Variants in FER observed in about 807,000 individuals in gnomAD.
FER encodes tyrosine-protein kinase Fer.
A neutral mutation model predicts 111.0 loss-of-function variants in FER; 63 were observed. The observed-to-expected ratio is 0.57, with a 90% CI of 0.46 to 0.70. The LOEUF is 0.70. Ranked by LOEUF, FER falls within the 30% of genes least tolerant of loss-of-function variation. The probability of loss-of-function intolerance (pLI) is 0.00; values close to 1 mark genes in which losing one functional copy is unlikely to be tolerated. For missense variants in FER, 914 were observed against 954.0 expected (o/e 0.96, Z 0.55); for synonymous variants, 327 against 313.9 (o/e 1.04, Z -0.44).
chr5:108,821,250 C>G (rs2150104254), intron 3 of FER, among the ~76,000 whole-genome samples: 1 of 152,184 alleles, frequency 6.6e-6, no homozygotes, highest in South Asian at 2.1e-4. Context: ...ATCAAGTAAC[C>G]TTAGTCCTTT....
chr5:109,120,731 G>A (rs1194173456), intron 17 of FER, among the ~76,000 whole-genome samples: 1 of 152,018 alleles, frequency 6.6e-6, no homozygotes, highest in Admixed American at 6.6e-5. Context: ...TTCAATTCAT[G>A]AACATGGAAT....
intron 13 of FER, among the ~76,000 whole-genome samples, chr5:108,968,558 C>T (rs1286028111): frequency 6.6e-6 from 1 of 151,962 alleles, no homozygotes; most frequent in Non-Finnish European, 1.5e-5. Context: ...AATTCAGAGC[C>T]TTAAGTACTT....
chr5:108,777,347 C>T (rs1753601240), intron 2 of FER, among the ~76,000 whole-genome samples: 1 of 152,144 alleles, frequency 6.6e-6, no homozygotes, highest in Non-Finnish European at 1.5e-5. Flanking sequence ...CACATACTTC[C>T]ACCCACTACA....
chr5:109,055,978 G>A (rs1773600386), intron 16 of FER, among the ~76,000 whole-genome samples: 1 of 152,222 alleles, frequency 6.6e-6, no homozygotes, highest in South Asian at 2.1e-4. Flanking sequence ...TACGATAGGT[G>A]CTCAACATTA....
At chr5:109,092,916 T>A (rs1161644081) in intron 16 of FER, among the ~76,000 whole-genome samples, 1 of 152,132 alleles carries the variant, frequency 6.6e-6, no homozygotes, top group East Asian at 1.9e-4. Flanking sequence ...AAATGGAATA[T>A]TATTCAGCCT....
chr5:109,022,716 A>G (rs1768097065), intron 13 of FER, among the ~76,000 whole-genome samples: 1 of 152,130 alleles, frequency 6.6e-6, no homozygotes, highest in Admixed American at 6.6e-5. Context: ...CTGGAACATG[A>G]ACTTGTAGAG....
intron 13 of FER, among the ~76,000 whole-genome samples, chr5:108,992,743 G>T (rs190765434): frequency 0.11 from 16,959 of 150,944 alleles, 861 homozygotes; most frequent in Middle Eastern, 0.15. Context: ...CTTCCCAGAC[G>T]GGGTGGCTGC....
intron 5 of FER, among the ~76,000 whole-genome samples, chr5:108,845,025 T>TAC (rs1761820069): frequency 3.7e-5 from 2 of 54,522 alleles, no homozygotes; most frequent in African/African-American, 6.4e-5. Flanking sequence ...TATATATATA[T>TAC]ATATATATAT....
At chr5:108,914,656 A>C (rs1581178682) in intron 10 of FER, among the ~76,000 whole-genome samples, 1 of 152,264 alleles carries the variant, frequency 6.6e-6, no homozygotes, top group Non-Finnish European at 1.5e-5. Flanking sequence ...TGAAATCAGC[A>C]TGGAAGTAGA....
At chr5:109,054,404 A>G (rs1773357644) in intron 16 of FER, among the ~76,000 whole-genome samples, 1 of 152,004 alleles carries the variant, frequency 6.6e-6, no homozygotes, top group Admixed American at 6.6e-5. Flanking sequence ...TCATTTGCTT[A>G]TTTGACGTTT....
intron 13 of FER, among the ~76,000 whole-genome samples, chr5:108,992,402 G>T (rs1361573540): frequency 6.6e-6 from 1 of 152,190 alleles, no homozygotes; most frequent in Non-Finnish European, 1.5e-5. Context: ...ACACCTCCCA[G>T]ACGGGGTGGT....
At chr5:109,080,040 C>T (rs1450416379) in intron 16 of FER, among the ~76,000 whole-genome samples, 1 of 151,978 alleles carries the variant, frequency 6.6e-6, no homozygotes, top group Non-Finnish European at 1.5e-5. Context: ...TTGATAAATA[C>T]ATTTTTCCTC....
At chr5:108,753,798 A>G (rs77630811) in intron 1 of FER, among the ~76,000 whole-genome samples, 10,287 of 152,276 alleles carry the variant, frequency 0.068, 425 homozygotes, top group South Asian at 0.093. Context: ...TACAGTTTAA[A>G]TGGGCAGACC....
chr5:108,945,242 G>A (rs1479076070), intron 10 of FER, among the ~76,000 whole-genome samples: 1 of 152,102 alleles, frequency 6.6e-6, no homozygotes, highest in Non-Finnish European at 1.5e-5. Flanking sequence ...TTTGTCTGCT[G>A]CTGATTAGCA....
chr5:108,855,538 G>C (rs1762919612), intron 5 of FER, among the ~76,000 whole-genome samples: 1 of 149,996 alleles, frequency 6.7e-6, no homozygotes, highest in Non-Finnish European at 1.5e-5. Flanking sequence ...GGAGAATGGC[G>C]TGAACCCGGG....
At chr5:109,142,044 A>G (rs970483988) in intron 17 of FER, among the ~76,000 whole-genome samples, 1 of 152,068 alleles carries the variant, frequency 6.6e-6, no homozygotes, top group African/African-American at 2.4e-5. Flanking sequence ...TGTTAGTACC[A>G]CTGAATTTTC....
intron 14 of FER, 108 bp downstream of exon 14, chr5:109,037,586 T>G (rs1770578032): frequency 3.8e-6 from 3 of 786,584 alleles, no homozygotes; most frequent in Non-Finnish European, 6.4e-6. Flanking sequence ...CAAGGCACAT[T>G]ACACATTAAC....
chr5:108,774,370 G>C (rs1394328205), intron 2 of FER, among the ~76,000 whole-genome samples: 1 of 152,176 alleles, frequency 6.6e-6, no homozygotes, highest in African/African-American at 2.4e-5. Context: ...ACATACGTGT[G>C]TGTGTGTCTT....
chr5:109,051,205 G>A lies in FER; in HGVS notation c.1924+4007G>A, dbSNP rs1486627100. 4.0e-6 allele frequency: 3 copies of A among 751,692 alleles called. No homozygotes were observed. In the South Asian group the frequency reaches 4.7e-5, roughly 12 times the overall value. 46.6% of individuals were successfully genotyped at this position (751,692 alleles called of 1,614,324 possible). ...TTTTCTAAGCCTCATGAATAAGACTGTTGAATACCACCTCCACCGGATCAA... is the reference window on the plus strand; with the variant it reads ...TTTTCTAAGCCTCATGAATAAGACTATTGAATACCACCTCCACCGGATCAA... On this transcript the variant is annotated intron_variant, in intron 16 of 19. Coordinates refer to ENST00000281092, the MANE Select transcript of FER (RefSeq NM_005246.4).
Sources: gnomAD v4.1 joint callset for allele counts (sites outside exome capture counted in the v4.1 genomes callset) on GRCh38, gnomAD v4.1.1 for gene constraint, MANE v1.5 for transcripts, NCBI Gene and HGNC (gene_info 2026-07-23, HGNC 2026-07-21) for gene names.